SHISA6: variants seen among roughly 807,000 people sequenced by gnomAD.
SHISA6 encodes protein shisa-6.
Under a neutral mutation model 47.9 loss-of-function variants are expected in SHISA6, and 22 were observed. The observed-to-expected ratio is 0.46, with a 90% confidence interval of 0.33 to 0.66. SHISA6 has a LOEUF of 0.66. Among genes scored for constraint, SHISA6 ranks in the 30% least tolerant of loss-of-function variants. SHISA6 has a pLI of 0.02. For missense variants in SHISA6, 680 were observed against 764.6 expected (o/e 0.89, Z 1.30); for synonymous variants, 388 against 337.8 (o/e 1.15, Z -1.63).
intron 2 of SHISA6, among the ~76,000 whole-genome samples, chr17:11,274,369 C>T (rs923151813): frequency 1.3e-5 from 2 of 152,200 alleles, no homozygotes; most frequent in South Asian, 2.1e-4. Flanking sequence ...GGTTAGAATT[C>T]GCAATTACCT....
chr17:11,377,137 T>C (rs566941849), intron 2 of SHISA6, among the ~76,000 whole-genome samples: 7 of 152,294 alleles, frequency 4.6e-5, no homozygotes, highest in African/African-American at 1.7e-4. Flanking sequence ...AACTCAACAT[T>C]TTCCAAACTG....
At chr17:11,281,818 G>T (rs531730190) in intron 2 of SHISA6, among the ~76,000 whole-genome samples, 1 of 152,084 alleles carries the variant, frequency 6.6e-6, no homozygotes, top group Non-Finnish European at 1.5e-5. Flanking sequence ...GCTATTCAGG[G>T]TATCTGTTTC....
intron 3 of SHISA6, among the ~76,000 whole-genome samples, chr17:11,416,565 A>G (rs1324120420): frequency 6.6e-6 from 1 of 152,184 alleles, no homozygotes; most frequent in Admixed American, 6.5e-5. Flanking sequence ...TCTAAAAATG[A>G]TTGTCATTTT....
chr17:11,437,695 C>T (rs1914977402), intron 3 of SHISA6, among the ~76,000 whole-genome samples: 1 of 152,302 alleles, frequency 6.6e-6, no homozygotes, highest in African/African-American at 2.4e-5. Flanking sequence ...TCCTGAGGCA[C>T]ATTGCACTCT....
rs71367331 is a variant in SHISA6 at position 11,423,239 on chromosome 17, G to GTGTGTA, written c.895+43731_895+43732insGTGTAT. On this transcript the variant is annotated intron_variant, in intron 3 of 5. Coordinates refer to ENST00000441885, the MANE Select transcript of SHISA6 (RefSeq NM_207386.4). Reference sequence around the variant, plus strand: ...TATGTGTGTGTGTGTGTGTGTGTGTGTATATATATATATATAATATATATA... The same window carrying GTGTGTA: ...TATGTGTGTGTGTGTGTGTGTGTGTGTGTGTATATATATATATATATAATATATATA... Among the ~76,000 whole-genome samples the GTGTGTA allele has an allele frequency of 1.9e-3, 251 of 134,618 alleles. 2 individuals carry two copies. The highest frequency in any genetic ancestry group is 6.1e-3 in the African/African-American group (228 of 37,162). 88.3% of individuals were successfully genotyped at this position (134,618 alleles called of 152,430 possible). A position where few individuals can be genotyped will look rare whatever the true frequency, so the allele number is the denominator to read the frequency against.
intron 3 of SHISA6, among the ~76,000 whole-genome samples, chr17:11,433,539 A>T (rs766930780): frequency 3.4e-4 from 51 of 151,580 alleles, no homozygotes; most frequent in Non-Finnish European, 5.3e-4. Context: ...GCCATAATAA[A>T]CATACATGTG....
intron 1 of SHISA6, among the ~76,000 whole-genome samples, chr17:11,246,487 C>G (rs985724859): frequency 5.3e-5 from 8 of 152,006 alleles, no homozygotes; most frequent in African/African-American, 7.2e-5. Context: ...GAGACTCAGT[C>G]TCAAAAAATA....
chr17:11,334,608 G>A lies in SHISA6; in HGVS notation c.800-44806G>A, dbSNP rs1356345737. ...CCAGGCTGGAGTCCTGGCCACAATG[G>A]CCTCTCCCTGAAGATGTGGGATGCC... On this transcript the variant is annotated intron_variant, in intron 2 of 5. Coordinates refer to ENST00000441885, the MANE Select transcript of SHISA6 (RefSeq NM_207386.4). 4.6e-5 allele frequency among the ~76,000 whole-genome samples: 7 copies of A among 152,196 alleles called. No individual in the cohort carries two copies. The South Asian group carries it at 1.0e-3, about 22-fold the overall frequency.
intron 2 of SHISA6, among the ~76,000 whole-genome samples, chr17:11,273,003 G>A (rs1236587854): frequency 3.3e-5 from 5 of 152,250 alleles, no homozygotes; most frequent in African/African-American, 9.6e-5. Flanking sequence ...AGAGTGATAC[G>A]GCTCCCAGGA....
intron 3 of SHISA6, among the ~76,000 whole-genome samples, chr17:11,452,933 CT>C (rs1244656424): frequency 6.7e-6 from 1 of 149,822 alleles, no homozygotes; most frequent in African/African-American, 2.5e-5. Context: ...CCTTCTCCCC[CT>C]CCTCTTCCTC....
At chr17:11,381,042 G>C (rs1912989337) in intron 3 of SHISA6, among the ~76,000 whole-genome samples, 1 of 152,148 alleles carries the variant, frequency 6.6e-6, no homozygotes, top group Non-Finnish European at 1.5e-5. Context: ...TGAGTGGGTG[G>C]GAACTACACT....
At chr17:11,457,944 G>C (rs9908222) in intron 3 of SHISA6, among the ~76,000 whole-genome samples, 116 of 151,854 alleles carry the variant, frequency 7.6e-4, no homozygotes, top group African/African-American at 2.6e-3. Context: ...AATTAGCCGG[G>C]CTTAGTGGCG....
At chr17:11,492,830 TCTC>T (rs1238163291) in intron 3 of SHISA6, among the ~76,000 whole-genome samples, 3 of 151,878 alleles carry the variant, frequency 2.0e-5, no homozygotes, top group African/African-American at 4.8e-5. Flanking sequence ...AATCCCCACT[TCTC>T]CTCCCTCTCA....
At chr17:11,276,934 A>G (rs1908923251) in intron 2 of SHISA6, among the ~76,000 whole-genome samples, 1 of 152,150 alleles carries the variant, frequency 6.6e-6, no homozygotes. Flanking sequence ...ACTAATATCT[A>G]AAGGAGAGTT....
At chr17:11,449,647 A>G (rs1915330856) in intron 3 of SHISA6, among the ~76,000 whole-genome samples, 1 of 152,142 alleles carries the variant, frequency 6.6e-6, no homozygotes, top group South Asian at 2.1e-4. Context: ...TGCTAAGCCT[A>G]CTGTACAAAA....
At chr17:11,451,582 AC>A (rs1247611179) in intron 3 of SHISA6, among the ~76,000 whole-genome samples, 1 of 152,154 alleles carries the variant, frequency 6.6e-6, no homozygotes, top group Non-Finnish European at 1.5e-5. Flanking sequence ...GAACACAAGG[AC>A]TGATAGAGTG....
At chr17:11,271,510 T>C (rs1169617694) in intron 2 of SHISA6, among the ~76,000 whole-genome samples, 2 of 151,680 alleles carry the variant, frequency 1.3e-5, no homozygotes, top group Admixed American at 6.6e-5. Context: ...TGATCTCAGC[T>C]AACTGCTATC....
chr17:11,530,564 AG>A (rs1185083273), intron 3 of SHISA6, among the ~76,000 whole-genome samples: 1 of 152,202 alleles, frequency 6.6e-6, no homozygotes, highest in African/African-American at 2.4e-5. Context: ...GAGGACACAG[AG>A]ATACTCAGCT....
chr17:11,305,815 G>A (rs946823109), intron 2 of SHISA6, among the ~76,000 whole-genome samples: 1 of 152,082 alleles, frequency 6.6e-6, no homozygotes, highest in Non-Finnish European at 1.5e-5. Context: ...CTTATGTCTC[G>A]GAGCGGAGGC....
Sources: gnomAD v4.1 joint callset for allele counts (sites outside exome capture counted in the v4.1 genomes callset) on GRCh38, gnomAD v4.1.1 for gene constraint, MANE v1.5 for transcripts, NCBI Gene and HGNC (gene_info 2026-07-23, HGNC 2026-07-21) for gene names.